The following VTI1A variants were observed in gnomAD, a reference collection of about 807,000 sequenced individuals.
VTI1A encodes the protein vesicle transport through interaction with t-SNAREs homolog 1A.
VTI1A carries 22 observed loss-of-function variants against 34.9 expected under a neutral mutation model. The ratio of observed to expected loss-of-function variants is 0.63; its 90% confidence interval spans 0.45 to 0.90. The LOEUF (loss-of-function observed/expected upper bound fraction) is 0.90, where lower values mean the gene tolerates loss of function less well. VTI1A is among the 40% of genes least tolerant of loss of function. The pLI is 0.00. For missense variants in VTI1A, 268 were observed against 275.6 expected (o/e 0.97, Z 0.20); for synonymous variants, 87 against 97.3 (o/e 0.89, Z 0.62).
chr10:112,738,417 C>T (rs1433096882), intron 7 of VTI1A, among the ~76,000 whole-genome samples: 2 of 152,182 alleles, frequency 1.3e-5, no homozygotes, highest in Non-Finnish European at 2.9e-5. Flanking sequence ...ACTTGGCTCT[C>T]CTCTGAGGCT....
intron 7 of VTI1A, among the ~76,000 whole-genome samples, chr10:112,765,625 C>T (rs1034491583): frequency 3.6e-4 from 55 of 152,306 alleles, no homozygotes; most frequent in African/African-American, 1.3e-3. Context: ...GCAAAAGGGA[C>T]ACAGTTTCTG....
chr10:112,614,786 G>T (rs576928519), intron 5 of VTI1A, among the ~76,000 whole-genome samples: 93 of 152,290 alleles, frequency 6.1e-4, no homozygotes, highest in African/African-American at 2.2e-3. Flanking sequence ...TGGTCACAAG[G>T]CACAGTTATG....
intron 7 of VTI1A, among the ~76,000 whole-genome samples, chr10:112,761,470 T>G (rs1346730791): frequency 6.6e-6 from 1 of 152,194 alleles, no homozygotes; most frequent in Non-Finnish European, 1.5e-5. Flanking sequence ...TTTGCTTGAT[T>G]GAGTTATGAT....
chr10:112,776,212 G>A (rs906524590), intron 7 of VTI1A, among the ~76,000 whole-genome samples: 8 of 152,244 alleles, frequency 5.3e-5, no homozygotes, highest in African/African-American at 1.9e-4. Flanking sequence ...GGGCAGATCA[G>A]TGTGTTCAAC....
chr10:112,842,037 C>CTTTTTTTT, the VTI1A span, among the ~76,000 whole-genome samples: 1 of 39,902 alleles, frequency 2.5e-5, no homozygotes, highest in African/African-American at 8.5e-5. Context: ...GAGTTCTTTT[C>CTTTTTTTT]TTTTTTTTTT....
chr10:112,509,633 G>C (rs953918168), intron 3 of VTI1A, among the ~76,000 whole-genome samples: 2 of 152,204 alleles, frequency 1.3e-5, no homozygotes, highest in Non-Finnish European at 2.9e-5. Context: ...GGGAGTGCCT[G>C]TCAGAGGAGT....
chr10:112,666,315 T>C (rs776809637), intron 5 of VTI1A, among the ~76,000 whole-genome samples: 1 of 152,224 alleles, frequency 6.6e-6, no homozygotes, highest in African/African-American at 2.4e-5. Context: ...GTCAAAAATA[T>C]ATTTATGATA....
At chr10:112,693,005 A>C (rs6585170) in intron 7 of VTI1A, among the ~76,000 whole-genome samples, 10,917 of 152,264 alleles carry the variant, frequency 0.072, 956 homozygotes, top group African/African-American at 0.21. Context: ...TCACGAGCAC[A>C]AGTGAAATAC....
At chr10:112,563,758 C>T (rs959386952) in intron 5 of VTI1A, among the ~76,000 whole-genome samples, 1 of 151,862 alleles carries the variant, frequency 6.6e-6, no homozygotes, top group Non-Finnish European at 1.5e-5. Flanking sequence ...AAACTACTGG[C>T]AAATTTAATT....
chr10:112,611,985 C>G (rs959118305), intron 5 of VTI1A, among the ~76,000 whole-genome samples: 1 of 152,026 alleles, frequency 6.6e-6, no homozygotes, highest in Non-Finnish European at 1.5e-5. Flanking sequence ...TCGTGGTCCG[C>G]CCGCCTCGGC....
At chr10:112,747,129 A>G (rs971375123) in intron 7 of VTI1A, among the ~76,000 whole-genome samples, 1 of 152,196 alleles carries the variant, frequency 6.6e-6, no homozygotes, top group African/African-American at 2.4e-5. Context: ...GTCCATCTGA[A>G]TCTTATTCCT....
At chr10:112,568,065 G>T (rs1045285394) in intron 5 of VTI1A, among the ~76,000 whole-genome samples, 8 of 151,976 alleles carry the variant, frequency 5.3e-5, no homozygotes, top group Admixed American at 1.3e-4. Context: ...TCATTTTGGA[G>T]CCCACTGTGA....
At chr10:112,582,990 T>C (rs564158428) in intron 5 of VTI1A, among the ~76,000 whole-genome samples, 1 of 152,298 alleles carries the variant, frequency 6.6e-6, no homozygotes, top group East Asian at 1.9e-4. Flanking sequence ...GCACGTTTGC[T>C]GATACATGTA....
At chr10:112,845,165 A>C in the VTI1A span, among the ~76,000 whole-genome samples, 1 of 152,202 alleles carries the variant, frequency 6.6e-6, no homozygotes, top group Non-Finnish European at 1.5e-5. Context: ...TGGTGGCCCG[A>C]GTCCACCATT....
intron 3 of VTI1A, among the ~76,000 whole-genome samples, chr10:112,491,369 G>C (rs1316406791): frequency 6.6e-6 from 1 of 152,200 alleles, no homozygotes; most frequent in Admixed American, 6.5e-5. Flanking sequence ...TGTAAGGCCA[G>C]TTACTTTCTC....
At position 112,474,996 on chromosome 10, in the gene VTI1A, C is replaced by G. The variant is rs530918295; in HGVS notation, c.264+10339C>G. On this transcript the variant is annotated intron_variant, in intron 3 of 7. Coordinates refer to ENST00000393077, the MANE Select transcript of VTI1A (RefSeq NM_145206.4). ...ACCTGTTGTCAGTGCCTTCTGGGAG[C>G]TGATGTGTGCTTGTGTATCACCCTG... 5.3e-5 allele frequency among the ~76,000 whole-genome samples: 8 copies of G among 152,284 alleles called. No homozygotes were observed. In the East Asian group the frequency reaches 1.5e-3, roughly 29 times the overall value.
chr10:112,802,695 A>G (rs188235707), intron 7 of VTI1A, among the ~76,000 whole-genome samples: 1 of 152,204 alleles, frequency 6.6e-6, no homozygotes, highest in South Asian at 2.1e-4. Flanking sequence ...TGCTTTACAG[A>G]TGTTCAGATT....
chr10:112,495,222 GT>G (rs1848970722), intron 3 of VTI1A, among the ~76,000 whole-genome samples: 1 of 86,532 alleles, frequency 1.2e-5, no homozygotes, highest in African/African-American at 4.4e-5. Flanking sequence ...TTTTTTTTTA[GT>G]TAAAAAAAAA....
At chr10:112,451,401 C>T (rs1486745215) in intron 1 of VTI1A, among the ~76,000 whole-genome samples, 1 of 152,252 alleles carries the variant, frequency 6.6e-6, no homozygotes, top group Admixed American at 6.5e-5. Context: ...TAGGACCCCG[C>T]TCTTCAGACT....
Sources: allele counts gnomAD v4.1 joint callset (sites outside exome capture counted in the v4.1 genomes callset), GRCh38; gene constraint gnomAD v4.1.1; transcripts MANE v1.5; gene names NCBI Gene and HGNC (gene_info 2026-07-23, HGNC 2026-07-21).